Variants in ANKRD16 observed in about 807,000 individuals in gnomAD.
ANKRD16 encodes ankyrin repeat domain 16, also known as ankyrin repeat domain-containing protein 16.
A neutral mutation model predicts 37.9 loss-of-function variants in ANKRD16; 35 were observed. That is an observed-to-expected ratio of 0.92 (90% CI 0.71 to 1.23). The LOEUF is 1.23. ANKRD16 is among the 50% of genes most tolerant of loss of function. The pLI, the probability that ANKRD16 is intolerant of heterozygous loss-of-function variation, is 0.00. For missense variants in ANKRD16, 480 were observed against 469.9 expected, an observed-to-expected ratio of 1.02 and a Z score of -0.20; for synonymous variants, 206 against 197.2, an observed-to-expected ratio of 1.04 and a Z score of -0.37.
Position 5,877,889 on chromosome 10 carries a change from T to C in ANKRD16, c.*33+208A>G, listed in dbSNP as rs183254745. Among the ~76,000 whole-genome samples the C allele has an allele frequency of 3.9e-5, 6 of 152,320 alleles. No homozygotes were observed. In the East Asian group the frequency reaches 9.6e-4, roughly 24 times the overall value. The stretch of plus-strand genomic sequence containing the variant: ...CTTTAAGAGTACAAAGAGTGAAATA[T>C]GGACTACGGGAAGATTATGACTGTG... On this transcript the variant is annotated intron_variant, in intron 7 of 7. Transcript: ENST00000380094.
chr10:5,884,739 TAAAAAAAAAA>T (rs34030686), intron 3 of ANKRD16, among the ~76,000 whole-genome samples: 1 of 120,154 alleles, frequency 8.3e-6, no homozygotes. Context: ...TCTCAAAAAC[TAAAAAAAAAA>T]AAAAAAAAAG....
intron 3 of ANKRD16, among the ~76,000 whole-genome samples, chr10:5,884,550 G>C (rs1435415812): frequency 2.0e-5 from 3 of 152,046 alleles, no homozygotes; most frequent in Non-Finnish European, 4.4e-5. Context: ...GGCCAATGTG[G>C]TGAAACCCCG....
At chr10:5,867,411 C>T (rs192228802) in intron 7 of ANKRD16, among the ~76,000 whole-genome samples, 12 of 152,342 alleles carry the variant, frequency 7.9e-5, no homozygotes, top group African/African-American at 2.9e-4. Flanking sequence ...AATAATTGGT[C>T]TGCTCAAACC....
intron 5 of ANKRD16, among the ~76,000 whole-genome samples, chr10:5,881,848 C>T (rs1398574881): frequency 2.6e-5 from 4 of 151,686 alleles, no homozygotes; most frequent in Non-Finnish European, 5.9e-5. Context: ...CCACCATGCC[C>T]GGCTAATTTT....
rs566634625 is a variant in ANKRD16, at chr10:5,866,867, G to A, written c.*34-4176C>T. On this transcript the variant is annotated intron_variant, in intron 7 of 7. Transcript: ENST00000380094. The surrounding 1 kb of genome is among the most constrained non-coding windows in gnomAD (Gnocchi z 4.3). Reference sequence around the variant, plus strand: ...AGAGACAGAGAGGCTGAAAGTCAAAGAGAGAAGGAGAGAGAGGAAGAGACA... The same window carrying A: ...AGAGACAGAGAGGCTGAAAGTCAAAAAGAGAAGGAGAGAGAGGAAGAGACA... Among the ~76,000 whole-genome samples the A allele has an allele frequency of 6.6e-6, 1 of 152,044 alleles. No homozygotes were observed. Among genetic ancestry groups the A allele is most frequent in the Non-Finnish European group, 1.5e-5 (1 of 68,012 alleles).
Position 5,868,809 on chromosome 10 carries a change from C to A in ANKRD16, c.*34-6118G>T, listed in dbSNP as rs1842051284. 6.6e-6 allele frequency among the ~76,000 whole-genome samples: 1 copy of A among 152,196 alleles called. No homozygotes were observed. ...TTCCTTAAGTCAGCAAGACCACGAA[C>A]CCACCAGGAGGAACAAACAACTCTG... On this transcript the variant is annotated intron_variant, in intron 7 of 7. Coordinates refer to ENST00000380094, the MANE Select transcript of ANKRD16 (RefSeq NM_019046.3). This position sits in a 1 kb window ranked among gnomAD's most constrained non-coding sequence, Gnocchi z 4.9.
chr10:5,879,721 A>ATGT (rs200052859), intron 6 of ANKRD16, among the ~76,000 whole-genome samples: 125,165 of 151,650 alleles, frequency 0.83, 52,060 homozygotes, highest in Admixed American at 0.87. Flanking sequence ...TATGATGCAT[A>ATGT]TATTGTTATG....
At chr10:5,884,136 A>AACTGTCCCCTGG in intron 3 of ANKRD16, 59 bp from the exon 4 acceptor site, 1 of 1,311,148 alleles carries the variant, frequency 7.6e-7, no homozygotes, top group Non-Finnish European at 1.1e-6. Context: ...CCCAGGGGAC[A>AACTGTCCCCTGG]GTTGACACCT....
rs74767644 is a variant in ANKRD16, at chr10:5,871,757, C to T, written c.*33+6340G>A. ...TCCCACAGAGCCCTCACTCCCTCAC[C>T]GCTGGCTTCCTCCCTCTGTGGGCTC... On this transcript the variant is annotated intron_variant, in intron 7 of 7. Transcript: ENST00000380094. The surrounding 1 kb of genome is among the most constrained non-coding windows in gnomAD (Gnocchi z 4.5). Among the ~76,000 whole-genome samples the T allele has an allele frequency of 0.027, 4,069 of 152,282 alleles. 173 individuals are homozygous for T. The highest frequency in any genetic ancestry group is 0.092 in the African/African-American group (3,820 of 41,542).
At chr10:5,867,824 A>G (rs554364698) in intron 7 of ANKRD16, among the ~76,000 whole-genome samples, 25 of 152,310 alleles carry the variant, frequency 1.6e-4, no homozygotes, top group Non-Finnish European at 2.6e-4. Flanking sequence ...AACAAAATCT[A>G]TCCAGTAAGG....
At position 5,862,573 on chromosome 10, in the gene ANKRD16, C is replaced by T. The variant is rs138480783; in HGVS notation, c.*152G>A. Reference sequence around the variant, plus strand: ...CACCTCAGATATACAACTTTGATCTCGCTGGGGTCAAACGTAGGTGGCTGC... The same window carrying T: ...CACCTCAGATATACAACTTTGATCTTGCTGGGGTCAAACGTAGGTGGCTGC... On this transcript the variant is annotated 3_prime_UTR_variant, in exon 8 of 8. Transcript: ENST00000380094. The surrounding 1 kb of genome is among the most constrained non-coding windows in gnomAD (Gnocchi z 6.5). The T allele has an allele frequency of 2.0e-4, 259 of 1,285,236 alleles. 1 individual carries two copies. The Middle Eastern group carries it at 2.0e-3, about 10-fold the overall frequency. 79.6% of individuals were successfully genotyped at this position (1,285,236 alleles called of 1,614,324 possible). A position where few individuals can be genotyped will look rare whatever the true frequency, so the allele number is the denominator to read the frequency against.
intron 7 of ANKRD16, among the ~76,000 whole-genome samples, chr10:5,873,393 T>C (rs625073): frequency 0.88 from 132,269 of 150,010 alleles, 58,432 homozygotes; most frequent in African/African-American, 0.91. Context: ...AGGCTAGTCT[T>C]GAACTCCTGA....
At chr10:5,872,771 T>A (rs965318796) in intron 7 of ANKRD16, among the ~76,000 whole-genome samples, 1 of 152,024 alleles carries the variant, frequency 6.6e-6, no homozygotes, top group Non-Finnish European at 1.5e-5. Context: ...TTAGCCAAGA[T>A]GGTCTTAATT....
rs747286682 is a variant in ANKRD16, at chr10:5,884,090, C to T, written c.579-13G>A. 6.2e-7 allele frequency: 1 copy of T among 1,609,356 alleles called. No individual in the cohort carries two copies. The highest frequency in any genetic ancestry group is 2.2e-5 in the East Asian group (1 of 44,854). On this transcript the variant is annotated splice_polypyrimidine_tract_variant and intron_variant, in intron 3 of 7. Coordinates refer to ENST00000380094, the MANE Select transcript of ANKRD16 (RefSeq NM_019046.3). ...TTCATATTGGCACCTAGAGCCAAAACCCCAAGTAAGAGCTGAGAAAATTCA... is the reference window on the plus strand; with the variant it reads ...TTCATATTGGCACCTAGAGCCAAAATCCCAAGTAAGAGCTGAGAAAATTCA...
chr10:5,887,267 T>C (rs1279632462), intron 2 of ANKRD16, among the ~76,000 whole-genome samples: 2 of 152,062 alleles, frequency 1.3e-5, no homozygotes, highest in East Asian at 3.8e-4. Flanking sequence ...GCAAATAATC[T>C]AGGGAGGATA....
chr10:5,881,444 ATATATATATATATATATATATATAT>A (rs1842310930), intron 5 of ANKRD16, among the ~76,000 whole-genome samples: 5 of 113,056 alleles, frequency 4.4e-5, no homozygotes, highest in East Asian at 3.8e-4. Flanking sequence ...TTATTTATAT[ATATATATATATATATATATATATAT>A]ATATATATAT....
In ANKRD16 at chr10:5,869,431, G is replaced by A. The variant is rs190826319; in HGVS notation, c.*34-6740C>T. 6.6e-6 allele frequency among the ~76,000 whole-genome samples: 1 copy of A among 152,280 alleles called. No individual in the cohort carries two copies. The highest frequency in any genetic ancestry group is 6.5e-5 in the Admixed American group (1 of 15,290). On this transcript the variant is annotated intron_variant, in intron 7 of 7. Coordinates refer to ENST00000380094, the MANE Select transcript of ANKRD16 (RefSeq NM_019046.3). This position sits in a 1 kb window ranked among gnomAD's most constrained non-coding sequence, Gnocchi z 4.0. The stretch of plus-strand genomic sequence containing the variant: ...TGCCCAGCCACCTGTGTCCAGCAAG[G>A]TGGGGGCCTGAGAAGCACTGCCCAG...
chr10:5,888,884 GA>G (rs1258150699), intron 1 of ANKRD16, among the ~76,000 whole-genome samples, 156 bp downstream of exon 1: 2 of 152,224 alleles, frequency 1.3e-5, no homozygotes, highest in African/African-American at 4.8e-5. Flanking sequence ...CGTTATAAGG[GA>G]AAGTTGGGCA....
intron 2 of ANKRD16, among the ~76,000 whole-genome samples, chr10:5,887,006 T>A (rs1842434298): frequency 6.6e-6 from 1 of 152,234 alleles, no homozygotes; most frequent in Non-Finnish European, 1.5e-5. Context: ...TATGAGGATA[T>A]ATATTTCCCT....
Sources: gnomAD v4.1 joint callset for allele counts (sites outside exome capture counted in the v4.1 genomes callset) on GRCh38, gnomAD v4.1.1 for gene constraint, Gnocchi (gnomAD v3.1) non-coding constraint, MANE v1.5 for transcripts, NCBI Gene and HGNC (gene_info 2026-07-23, HGNC 2026-07-21) for gene names.